CDHR4: variants seen among roughly 807,000 people sequenced by gnomAD.
CDHR4 encodes cadherin-related family member 4.
In CDHR4, 89 loss-of-function variants were observed where a neutral mutation model predicts 88.4. The ratio of observed to expected loss-of-function variants is 1.01; its 90% CI spans 0.85 to 1.20. The LOEUF (loss-of-function observed/expected upper bound fraction) is 1.20. Ranked by LOEUF, CDHR4 falls within the 50% of genes most tolerant of loss-of-function variation. The pLI is 0.00. For missense variants in CDHR4, 914 were observed against 1,007.2 expected, an observed-to-expected ratio of 0.91 and a Z score of 1.25; for synonymous variants, 368 against 399.2, an observed-to-expected ratio of 0.92 and a Z score of 0.93.
intron 4 of CDHR4, among the ~76,000 whole-genome samples, chr3:49,797,425 T>C (rs1438143738): frequency 1.3e-5 from 2 of 151,684 alleles, no homozygotes; most frequent in Admixed American, 6.6e-5. Context: ...ATTACATGCC[T>C]GTGCCACCAC....
At chr3:49,801,335 C>T (rs536667638), upstream of CDHR4, among the ~76,000 whole-genome samples, 1 of 152,338 alleles carries the variant, frequency 6.6e-6, no homozygotes, top group South Asian at 2.1e-4. Context: ...TCATATCTCC[C>T]CTACCTCCAC....
intron 2 of CDHR4, 21 bp downstream of exon 2, chr3:49,799,226 C>A: frequency 6.2e-7 from 1 of 1,612,426 alleles, no homozygotes; most frequent in East Asian, 2.2e-5. Flanking sequence ...CCACAGTCCC[C>A]AGCTGTACAC....
At chr3:49,793,556 A>C in intron 12 of CDHR4, 27 bp downstream of exon 12, 1 of 1,550,418 alleles carries the variant, frequency 6.4e-7, no homozygotes, top group African/African-American at 1.4e-5. Flanking sequence ...CCAAGTATTT[A>C]TTTCCAAAGC....
chr3:49,802,427 G>T (rs1001005784), upstream of CDHR4, among the ~76,000 whole-genome samples: 10 of 152,012 alleles, frequency 6.6e-5, no homozygotes, highest in African/African-American at 2.4e-4. Context: ...CGCCCGCCTC[G>T]GCCTCCCAAA....
At chr3:49,797,857 G>A (rs1001266151) in intron 4 of CDHR4, among the ~76,000 whole-genome samples, 1 of 151,464 alleles carries the variant, frequency 6.6e-6, no homozygotes, top group Admixed American at 6.6e-5. Context: ...CCAAGCCCTG[G>A]CCGCAGTCCT....
At position 49,795,321 on chromosome 3, in the gene CDHR4, CGCGGTGCCTGAGGT is replaced by C. The variant is rs2081253991; in HGVS notation, c.892_905del (p.Thr298GlyfsTer10). The C allele has an allele frequency of 6.4e-7, 1 of 1,551,442 alleles. No individual in the cohort carries two copies. Among genetic ancestry groups the C allele is most frequent in the East Asian group, 2.4e-5 (1 of 40,930 alleles). On this transcript the variant is annotated frameshift_variant, in exon 8 of 19. Coordinates refer to ENST00000412678, the MANE Select transcript of CDHR4 (RefSeq NM_001007540.4). LOFTEE classifies it high-confidence loss of function. This position sits in a 1 kb window ranked among gnomAD's most constrained non-coding sequence, Gnocchi z 5.4. ...AGGCCTTCACCTGCAGCCTGGAGAC[CGCGGTGCCTGAGGT>C]GCGAGCTAACTCTAGGGGCGTGGTG...
At chr3:49,796,901 C>T in intron 5 of CDHR4, 21 bp downstream of exon 5, 1 of 1,541,736 alleles carries the variant, frequency 6.5e-7, no homozygotes, top group Non-Finnish European at 8.8e-7. Flanking sequence ...TAAACACCCT[C>T]AGATTCCAGG....
At chr3:49,793,544 T>G (rs2081215836) in intron 12 of CDHR4, 39 bp downstream of exon 12, 1 of 1,548,596 alleles carries the variant, frequency 6.5e-7, no homozygotes, top group Admixed American at 2.0e-5. Flanking sequence ...ACTCCTGTCT[T>G]TCCAAGTATT....
upstream of CDHR4, among the ~76,000 whole-genome samples, chr3:49,802,163 CCTG>C (rs1023563915): frequency 2.0e-5 from 3 of 150,426 alleles, no homozygotes; most frequent in African/African-American, 7.3e-5. Flanking sequence ...TTCTCCTCCT[CCTG>C]CTTCTTCTTC....
rs1449072193 is a variant in CDHR4 at position 49,795,268 on chromosome 3, G to A, written c.959C>T (p.Ala320Val). Residue 320 changes from alanine (A) to valine (V), a missense_variant, in exon 8 of 19, where the codon GCC becomes GTC. Coordinates refer to ENST00000412678, the MANE Select transcript of CDHR4 (RefSeq NM_001007540.4). This position sits in a 1 kb window ranked among gnomAD's most constrained non-coding sequence, Gnocchi z 5.4. ...CACATTCATGGTGAGATTGAGCTTG[G>A]CACTGGCCCACAGCTGGCCCTGCTC... ...AFEQGQLWAS[A>V]KLNLTMNVQL... The A allele has an allele frequency of 6.4e-7, 1 of 1,551,556 alleles. No homozygotes were observed. The highest frequency in any genetic ancestry group is 1.4e-5 in the African/African-American group (1 of 73,024).
At chr3:49,798,660 G>A in intron 4 of CDHR4, 166 bp downstream of exon 4, 1 of 631,784 alleles carries the variant, frequency 1.6e-6, no homozygotes, top group East Asian at 2.8e-5. Flanking sequence ...TGGGGAGTGA[G>A]CAGCCCTCAG....
rs138102022 is a variant in CDHR4 at position 49,795,777 on chromosome 3, G to T, written c.711-13C>A. The T allele has an allele frequency of 1.9e-5, 30 of 1,551,498 alleles. No homozygotes were observed. Among genetic ancestry groups the T allele is most frequent in the East Asian group, 4.9e-5 (2 of 40,938 alleles). ...CTGAGCCTGCTCGCTGGACCAAAAG[G>T]GGGGCACTGGTTCCTGCCCATTCCT... On this transcript the variant is annotated splice_polypyrimidine_tract_variant and intron_variant, in intron 6 of 18. Coordinates refer to ENST00000412678, the MANE Select transcript of CDHR4 (RefSeq NM_001007540.4). The surrounding 1 kb of genome is among the most constrained non-coding windows in gnomAD (Gnocchi z 5.4).
At chr3:49,797,259 TCCTC>T (rs758395179) in intron 4 of CDHR4, among the ~76,000 whole-genome samples, 4 of 150,414 alleles carry the variant, frequency 2.7e-5, no homozygotes, top group African/African-American at 4.9e-5. Context: ...CCTTCTCTCT[TCCTC>T]CCTCCCTCCC....
intron 14 of CDHR4, 84 bp downstream of exon 14, chr3:49,792,770 A>G (rs2081200553): frequency 6.9e-7 from 1 of 1,458,674 alleles, no homozygotes; most frequent in South Asian, 1.4e-5. Flanking sequence ...TGCCTTCCCC[A>G]TAGTTCCACC....
Position 49,798,986 on chromosome 3 carries a change from G to C in CDHR4, c.403+8C>G. On this transcript the variant is annotated splice_region_variant and intron_variant, in intron 3 of 18. Coordinates refer to ENST00000412678, the MANE Select transcript of CDHR4 (RefSeq NM_001007540.4). ...TGCCCCCACCCTGCCGGCTGCCCCT[G>C]GCCTCACCTGGGCTGGCAAATTGAC... 6.2e-7 allele frequency: 1 copy of C among 1,610,186 alleles called. No homozygotes were observed. The highest frequency in any genetic ancestry group is 8.5e-7 in the Non-Finnish European group (1 of 1,178,494).
Position 49,792,988 on chromosome 3 carries a change from G to A in CDHR4, c.1861C>T (p.Arg621Cys), listed in dbSNP as rs1192945133. The change falls in exon 14 of 19, where the codon CGT becomes TGT. Residue 621 changes from arginine (R) to cysteine (C), a missense_variant. Arg to Cys is a radical substitution (Grantham distance 180). Transcript: ENST00000412678. ...VLGPFWPEQP[R>C]TYELLICVAD... ...ACACAGATCAGTAGCTCATAGGTAC[G>A]GGGCTGCTCTGGCCAGAACGGCCCC... The A allele has an allele frequency of 3.2e-6, 5 of 1,551,684 alleles. No homozygotes were observed. Among genetic ancestry groups the A allele is most frequent in the East Asian group, 2.4e-5 (1 of 40,918 alleles).
At chr3:49,798,742 G>A (rs750940144) in intron 4 of CDHR4, 84 bp downstream of exon 4, 12 of 1,331,972 alleles carry the variant, frequency 9.0e-6, no homozygotes, top group Non-Finnish European at 9.4e-6. Flanking sequence ...TCTTCAGGCT[G>A]TGCCTGGCCA....
In CDHR4 at chr3:49,795,024, C is replaced by T. The variant is rs1302681930; in HGVS notation, c.1108G>A (p.Ala370Thr). 1 of 1,551,696 alleles carries T rather than the reference C, an allele frequency of 6.4e-7. No individual in the cohort carries two copies. The highest frequency in any genetic ancestry group is 1.2e-5 in the South Asian group (1 of 84,062). Reference protein sequence around the residue: ...LTCEDPDSVGATLDYKLWFRS... With the variant: ...LTCEDPDSVGTTLDYKLWFRS... ...AACCACAGCTTGTAGTCCAGGGTGG[C>T]ACCAACAGAGTCCGGATCTTCGCAA... The change falls in exon 9 of 19, where the codon GCC becomes ACC. Residue 370 changes from alanine to threonine, a missense_variant. Coordinates refer to ENST00000412678, the MANE Select transcript of CDHR4 (RefSeq NM_001007540.4). The surrounding 1 kb of genome is among the most constrained non-coding windows in gnomAD (Gnocchi z 5.4).
chr3:49,792,418 T>A lies in CDHR4; in HGVS notation c.2138+50A>T, dbSNP rs1361775391. The A allele has an allele frequency of 2.6e-6, 4 of 1,546,062 alleles. No individual in the cohort carries two copies. In the East Asian group the frequency reaches 7.3e-5, roughly 28 times the overall value. On this transcript the variant is annotated intron_variant, in intron 15 of 18. Coordinates refer to ENST00000412678, the MANE Select transcript of CDHR4 (RefSeq NM_001007540.4). ...GTGAAACCACCCATCACAACTGGGG[T>A]CCATAGGTGGGTTGGGGGCAAGTAG... is the stretch of plus-strand genomic sequence containing the variant.
Sources: gnomAD v4.1 joint callset for allele counts (sites outside exome capture counted in the v4.1 genomes callset) on GRCh38, gnomAD v4.1.1 for gene constraint, Gnocchi (gnomAD v3.1) non-coding constraint, MANE v1.5 for transcripts, NCBI Gene and HGNC (gene_info 2026-07-23, HGNC 2026-07-21) for gene names.